EBAG9: variants seen among roughly 807,000 people sequenced by gnomAD.
EBAG9 encodes the protein estrogen receptor binding site associated antigen 9.
In EBAG9, 16 loss-of-function variants were observed where a neutral mutation model predicts 30.9. That is an observed-to-expected ratio of 0.52 (90% confidence interval 0.35 to 0.79). The LOEUF (loss-of-function observed/expected upper bound fraction) is 0.79, where lower values mean the gene tolerates loss of function less well. Ranked by LOEUF, EBAG9 falls within the 30% of genes least tolerant of loss-of-function variation. EBAG9 has a pLI of 0.01. For synonymous variants in EBAG9, 93 were observed against 82.8 expected (o/e 1.12, Z -0.67); for missense variants, 197 against 242.1 (o/e 0.81, Z 1.24).
intron 1 of EBAG9, among the ~76,000 whole-genome samples, chr8:109,545,650 A>G (rs11779858): frequency 2.0e-5 from 3 of 152,126 alleles, no homozygotes; most frequent in Non-Finnish European, 2.9e-5. Flanking sequence ...GACGTGAGCC[A>G]CCGCGCCCAG....
At chr8:109,563,577 C>CTTTTTT in intron 6 of EBAG9, 1 of 1,349,674 alleles carries the variant, frequency 7.4e-7, no homozygotes. Flanking sequence ...ACCTACCACT[C>CTTTTTT]TTTTTTTTTT....
chr8:109,559,249 G>A (rs903273996), intron 5 of EBAG9, among the ~76,000 whole-genome samples: 1 of 152,014 alleles, frequency 6.6e-6, no homozygotes, highest in African/African-American at 2.4e-5. Flanking sequence ...TTGAGCTCAG[G>A]AATTCGAGAC....
At position 109,557,055 on chromosome 8, in the gene EBAG9, A is replaced by C; in HGVS notation, c.429+13A>C. Reference sequence around the variant, plus strand: ...TATTCATCAGTCTGTAAGTATGTTAATGGTTCTAGGGAAGGGTTTTGTTGT... The same window carrying C: ...TATTCATCAGTCTGTAAGTATGTTACTGGTTCTAGGGAAGGGTTTTGTTGT... On this transcript the variant is annotated intron_variant, in intron 5 of 6. Transcript: ENST00000337573. The C allele has an allele frequency of 6.5e-7, 1 of 1,530,398 alleles. No individual in the cohort carries two copies. Among genetic ancestry groups the C allele is most frequent in the Non-Finnish European group, 9.0e-7 (1 of 1,115,022 alleles). The allele number at this position is 1,530,398 out of a possible 1,614,324, so 94.8% of individuals were successfully genotyped here.
intron 1 of EBAG9, among the ~76,000 whole-genome samples, chr8:109,549,734 A>G (rs540613988): frequency 1.3e-5 from 2 of 152,168 alleles, no homozygotes; most frequent in South Asian, 4.1e-4. Context: ...GATATTGGCA[A>G]AAGTCTGTTA....
chr8:109,551,043 C>T (rs1310088248), intron 2 of EBAG9, 136 bp downstream of exon 2: 5 of 587,304 alleles, frequency 8.5e-6, no homozygotes, highest in East Asian at 3.0e-5. Context: ...TTCATTAATT[C>T]CTAGTCATTT....
intron 1 of EBAG9, among the ~76,000 whole-genome samples, chr8:109,549,459 T>C (rs1471606138): frequency 6.6e-6 from 1 of 152,002 alleles, no homozygotes; most frequent in African/African-American, 2.4e-5. Flanking sequence ...ATAGAATTGG[T>C]ATTATTCCTT....
chr8:109,548,936 G>A lies in EBAG9; in HGVS notation c.-15-1874G>A, dbSNP rs190353075. Among the ~76,000 whole-genome samples the A allele has an allele frequency of 2.5e-3, 338 of 137,224 alleles. 1 individual carries two copies. The highest frequency in any genetic ancestry group is 4.0e-3 in the Non-Finnish European group (259 of 65,454). 90.0% of individuals were successfully genotyped at this position (137,224 alleles called of 152,430 possible). The stretch of plus-strand genomic sequence containing the variant: ...TTGCATTGGCCAGAACTTCCACTAC[G>A]ATGTTGACTAAAAGTAGAAAAAGCA... On this transcript the variant is annotated intron_variant, in intron 1 of 6. Transcript: ENST00000337573.
intron 5 of EBAG9, chr8:109,557,725 T>C (rs1369350822): frequency 2.2e-6 from 1 of 452,986 alleles, no homozygotes; most frequent in Non-Finnish European, 4.4e-6. Context: ...TCTCATGAGT[T>C]TGCAGACAAG....
At chr8:109,556,854 A>G (rs1821607798) in intron 4 of EBAG9, 81 bp from the exon 5 acceptor site, 1 of 621,320 alleles carries the variant, frequency 1.6e-6, no homozygotes, top group Non-Finnish European at 2.5e-6. Flanking sequence ...ATTTTAAGTA[A>G]TTAGAAAATG....
chr8:109,558,774 T>A (rs1311610799), intron 5 of EBAG9, among the ~76,000 whole-genome samples: 9 of 152,210 alleles, frequency 5.9e-5, no homozygotes, highest in Non-Finnish European at 1.5e-5. Flanking sequence ...ATTAGATTCT[T>A]CTTTTAAACT....
chr8:109,547,677 T>C (rs1821411533), intron 1 of EBAG9, among the ~76,000 whole-genome samples: 1 of 152,036 alleles, frequency 6.6e-6, no homozygotes, highest in Admixed American at 6.6e-5. Context: ...AGACAGGGTT[T>C]CACCGTGTTG....
In EBAG9 at chr8:109,564,662, A is replaced by T; in HGVS notation, c.*103A>T. 2.3e-5 allele frequency: 34 copies of T among 1,484,574 alleles called. No individual in the cohort carries two copies. The highest frequency in any genetic ancestry group is 1.8e-4 in the Middle Eastern group (1 of 5,506). The allele number at this position is 1,484,574 out of a possible 1,614,324, so 92.0% of individuals were successfully genotyped here. A position where few individuals can be genotyped will look rare whatever the true frequency, so the allele number is the denominator to read the frequency against. ...GTATTTTAAGAAGACATACTGCTTG[A>T]TTTTAATACATTGATCAGGCCATCC... is the stretch of plus-strand genomic sequence containing the variant. On this transcript the variant is annotated 3_prime_UTR_variant, in exon 7 of 7. Coordinates refer to ENST00000337573, the MANE Select transcript of EBAG9 (RefSeq NM_004215.5).
chr8:109,548,082 GTGT>G (rs1218928388), intron 1 of EBAG9, among the ~76,000 whole-genome samples: 1 of 151,746 alleles, frequency 6.6e-6, no homozygotes, highest in Non-Finnish European at 1.5e-5. Flanking sequence ...TCACAAAGTT[GTGT>G]TGTTTTTTTT....
rs537864638 is a variant in EBAG9 at position 109,561,958 on chromosome 8, G to C, written c.521+1029G>C. ...CAAAATTCAGTCAGTAAAATTGTGAGAGTTTTTAAAATTTAGTTCTTATTT... is the reference window on the plus strand; with the variant it reads ...CAAAATTCAGTCAGTAAAATTGTGACAGTTTTTAAAATTTAGTTCTTATTT... On this transcript the variant is annotated intron_variant, in intron 6 of 6. Coordinates refer to ENST00000337573, the MANE Select transcript of EBAG9 (RefSeq NM_004215.5). Among the ~76,000 whole-genome samples, 5 of 146,318 alleles carry C rather than the reference G, an allele frequency of 3.4e-5. No homozygotes were observed. In the South Asian group the frequency reaches 1.1e-3, roughly 32 times the overall value.
chr8:109,543,135 C>CTTTTTTTTTTTTTTTTT (rs557388998), intron 1 of EBAG9, among the ~76,000 whole-genome samples: 1 of 52,860 alleles, frequency 1.9e-5, no homozygotes, highest in African/African-American at 4.0e-5. Flanking sequence ...TATTCTGGTT[C>CTTTTTTTTTTTTTTTTT]TTTTTTTTTT....
intron 1 of EBAG9, among the ~76,000 whole-genome samples, chr8:109,548,634 A>T: frequency 6.6e-6 from 1 of 152,120 alleles, no homozygotes; most frequent in Middle Eastern, 3.2e-3. Context: ...TTAAATTAAT[A>T]GGCCTTTTAA....
chr8:109,545,159 T>C (rs1821357046), intron 1 of EBAG9, among the ~76,000 whole-genome samples: 2 of 151,520 alleles, frequency 1.3e-5, no homozygotes, highest in Non-Finnish European at 2.9e-5. Flanking sequence ...CTGTCTGTAC[T>C]AAAAATACAA....
chr8:109,563,370 T>C lies in EBAG9; in HGVS notation c.522-1069T>C, dbSNP rs1050730019. ...CCTTCCTCAACGTTGCATACTTGAATGATTTTCTCACACCCTAACCCTTCA... is the reference window on the plus strand; with the variant it reads ...CCTTCCTCAACGTTGCATACTTGAACGATTTTCTCACACCCTAACCCTTCA... On this transcript the variant is annotated intron_variant, in intron 6 of 6. Coordinates refer to ENST00000337573, the MANE Select transcript of EBAG9 (RefSeq NM_004215.5). 12 of 1,593,314 alleles carry C rather than the reference T, an allele frequency of 7.5e-6. No homozygotes were observed. In the East Asian group the frequency reaches 2.5e-4, roughly 33 times the overall value.
At chr8:109,547,738 C>T (rs1335219762) in intron 1 of EBAG9, among the ~76,000 whole-genome samples, 1 of 152,080 alleles carries the variant, frequency 6.6e-6, no homozygotes, top group Non-Finnish European at 1.5e-5. Flanking sequence ...CCTCGGCCTC[C>T]CAAAGTGCTG....
Sources: allele counts gnomAD v4.1 joint callset (sites outside exome capture counted in the v4.1 genomes callset), GRCh38; gene constraint gnomAD v4.1.1; transcripts MANE v1.5; gene names NCBI Gene and HGNC (gene_info 2026-07-23, HGNC 2026-07-21).